Variants in RELB observed in about 807,000 individuals in gnomAD.
RELB encodes transcription factor RelB.
In RELB, 14 loss-of-function variants were observed where a neutral mutation model predicts 55.4. The ratio of observed to expected loss-of-function variants is 0.25; its 90% CI spans 0.17 to 0.40. The LOEUF (loss-of-function observed/expected upper bound fraction) is 0.40, where lower values mean the gene tolerates loss of function less well. Ranked by LOEUF, RELB falls within the 10% of genes least tolerant of loss-of-function variation. The probability of loss-of-function intolerance (pLI) is 1.00; values close to 1 mark genes in which losing one functional copy is unlikely to be tolerated. For synonymous variants in RELB, 409 were observed against 371.3 expected (o/e 1.10, Z -1.17); for missense variants, 669 against 830.7 (o/e 0.81, Z 2.39).
intron 2 of RELB, among the ~76,000 whole-genome samples, chr19:45,005,154 G>C (rs550368476): frequency 9.9e-5 from 15 of 152,266 alleles, no homozygotes; most frequent in Admixed American, 7.2e-4. Context: ...CTGGGTGACA[G>C]AGCAAGAGCC....
At chr19:45,001,783 C>T (rs986648919) in intron 1 of RELB, 98 bp downstream of exon 1, 8 of 716,460 alleles carry the variant, frequency 1.1e-5, no homozygotes, top group Non-Finnish European at 1.3e-5. Context: ...CTATGGGAGT[C>T]TAAGGGTTTC....
rs780689029 is a variant in RELB, at chr19:45,034,305, C to T, written c.1269C>T (p.Asn423=). 2 of 1,613,794 alleles carry T rather than the reference C, an allele frequency of 1.2e-6. No individual in the cohort carries two copies. Among genetic ancestry groups the T allele is most frequent in the Middle Eastern group, 1.6e-4 (1 of 6,080 alleles). Residue 423 remains asparagine (N), a synonymous_variant, in exon 10 of 12, where the codon AAC becomes AAT. Coordinates refer to ENST00000221452, the MANE Select transcript of RELB (RefSeq NM_006509.4). Reference sequence around the variant, plus strand: ...TGCCCGACGTCCTTGGGGAGCTGAACAGCTCTGGTGTGTGCCCTCTGCCCC... The same window carrying T: ...TGCCCGACGTCCTTGGGGAGCTGAATAGCTCTGGTGTGTGCCCTCTGCCCC... ...RGMPDVLGEL[N]SSDPHGIESK... is the part of the protein sequence containing the mutation.
rs569612301 is a variant in RELB at position 45,005,373 on chromosome 19, T to C, written c.154+2377T>C. Among the ~76,000 whole-genome samples the C allele has an allele frequency of 2.2e-4, 33 of 152,280 alleles. No homozygotes were observed. The South Asian group carries it at 2.9e-3, about 13-fold the overall frequency. ...CCAAATTATGACATTTTTTCTTATA[T>C]ACATTTGCCAGGATTTGGAGGGCAG... On this transcript the variant is annotated intron_variant, in intron 2 of 11. Transcript: ENST00000221452.
intron 4 of RELB, among the ~76,000 whole-genome samples, chr19:45,016,801 G>A (rs1014249974): frequency 2.6e-5 from 4 of 152,170 alleles, no homozygotes; most frequent in African/African-American, 9.7e-5. Context: ...AGGTTGCAGT[G>A]AGCTGAGATC....
intron 4 of RELB, among the ~76,000 whole-genome samples, chr19:45,020,939 C>G (rs1156612298): frequency 1.3e-5 from 2 of 152,110 alleles, no homozygotes; most frequent in African/African-American, 4.8e-5. Flanking sequence ...CTTTAGGAGG[C>G]CAAGGCAGGC....
chr19:45,032,605 C>T lies in RELB; in HGVS notation c.1063C>T (p.Arg355Cys), dbSNP rs62117229. The T allele has an allele frequency of 1.2e-6, 2 of 1,613,506 alleles. No homozygotes were observed. ...TGACTTCTCCCAGGCCGACGTGCAC[C>T]GCCAGATTGCCATTGTGTTCAAGAC... ...RADFSQADVH[R>C]QIAIVFKTPP... Residue 355 changes from arginine (R) to cysteine (C), a missense_variant, in exon 9 of 12, where the codon CGC becomes TGC. By Grantham distance (180) the Arg-to-Cys change is radical. Transcript: ENST00000221452.
At chr19:45,017,800 C>T (rs368840577) in intron 4 of RELB, among the ~76,000 whole-genome samples, 28 of 150,720 alleles carry the variant, frequency 1.9e-4, no homozygotes, top group Middle Eastern at 3.4e-3. Context: ...CCTGTACCAT[C>T]ATGCCTGGCT....
chr19:45,009,979 TACTTAGCAGTGCTTGAC>T (rs1237089609), intron 3 of RELB, among the ~76,000 whole-genome samples, 157 bp downstream of exon 3: 1 of 151,964 alleles, frequency 6.6e-6, no homozygotes, highest in Non-Finnish European at 1.5e-5. Flanking sequence ...GCTCCTAAGG[TACTTAGCAGTGCTTGAC>T]ACTTGGAAAA....
At chr19:45,010,656 G>A (rs932090534) in intron 3 of RELB, among the ~76,000 whole-genome samples, 2 of 152,050 alleles carry the variant, frequency 1.3e-5, no homozygotes, top group African/African-American at 4.8e-5. Context: ...GCAGTTGGAG[G>A]AGCAAGTTCT....
chr19:45,001,807 G>A (rs1454723847), intron 1 of RELB, 122 bp downstream of exon 1: 3 of 565,588 alleles, frequency 5.3e-6, no homozygotes, highest in Non-Finnish European at 6.0e-6. Flanking sequence ...GGGGCAGAGT[G>A]AGGGTTCCTG....
Position 45,011,959 on chromosome 19 carries a change from G to A in RELB, c.187G>A (p.Glu63Lys). Residue 63 changes from glutamate (E) to lysine (K), a missense_variant, in exon 4 of 12, where the codon GAG becomes AAG. Physicochemically the swap from Glu to Lys is moderately conservative, Grantham distance 56. This residue lies in a region of RELB where 323 missense variants were observed against 368.5 expected (regional missense o/e 0.88). Coordinates refer to ENST00000221452, the MANE Select transcript of RELB (RefSeq NM_006509.4). ...ELEIIDEYIK[E>K]NGFGLDGGQP... ...AGAGATCATCGACGAGTACATCAAG[G>A]AGAACGGCTTCGGCCTGGACGGGGG... 6.4e-7 allele frequency: 1 copy of A among 1,556,288 alleles called. No individual in the cohort carries two copies. The highest frequency in any genetic ancestry group is 8.6e-7 in the Non-Finnish European group (1 of 1,156,592).
intron 5 of RELB, among the ~76,000 whole-genome samples, chr19:45,022,597 G>A (rs1255926790): frequency 6.7e-6 from 1 of 149,566 alleles, no homozygotes; most frequent in African/African-American, 2.5e-5. Context: ...GCCCAAGCTG[G>A]AGTGCAATGG....
chr19:45,009,911 G>A (rs917486335), intron 3 of RELB, 89 bp downstream of exon 3: 3 of 1,275,676 alleles, frequency 2.4e-6, no homozygotes, highest in South Asian at 1.2e-5. Context: ...CAGTGGGGGT[G>A]GGGGAGAGGT....
intron 2 of RELB, 55 bp from the exon 3 acceptor site, chr19:45,009,759 T>C (rs1050857735): frequency 1.9e-5 from 30 of 1,591,210 alleles, no homozygotes; most frequent in Non-Finnish European, 1.4e-5. Flanking sequence ...AGATGAAAAG[T>C]TGTGACCACT....
intron 9 of RELB, among the ~76,000 whole-genome samples, chr19:45,033,833 A>G (rs982617325): frequency 4.0e-5 from 6 of 150,000 alleles, no homozygotes; most frequent in Non-Finnish European, 4.4e-5. Flanking sequence ...GTGAGCCACC[A>G]CGCCCAGCCA....
intron 2 of RELB, among the ~76,000 whole-genome samples, chr19:45,006,886 C>T (rs1390352580): frequency 2.1e-5 from 3 of 144,634 alleles, no homozygotes; most frequent in Non-Finnish European, 3.0e-5. Flanking sequence ...ACCTGCGAGG[C>T]GGAGGTTGTG....
At chr19:45,012,321 C>A in intron 4 of RELB, 45 bp downstream of exon 4, 1 of 1,255,096 alleles carries the variant, frequency 8.0e-7, no homozygotes, top group Non-Finnish European at 1.0e-6. Context: ...TGGGGCTTCC[C>A]CTGCACCCCG....
chr19:45,026,038 G>A (rs1002028820), intron 7 of RELB, among the ~76,000 whole-genome samples: 11 of 152,326 alleles, frequency 7.2e-5, no homozygotes, highest in South Asian at 2.1e-4. Context: ...GAAGTCAGGA[G>A]TTTGAGACCA....
In RELB at chr19:45,034,544, A is replaced by G; in HGVS notation, c.1354+16A>G. The G allele has an allele frequency of 6.3e-7, 1 of 1,583,988 alleles. No individual in the cohort carries two copies. On this transcript the variant is annotated intron_variant, in intron 11 of 11. Coordinates refer to ENST00000221452, the MANE Select transcript of RELB (RefSeq NM_006509.4). ...CACGGCTCAGGTGGGTCCCAGCTAC[A>G]CATAAGCCCCTGTCCCCTGGGTGGG...
Sources: gnomAD v4.1 joint callset for allele counts (sites outside exome capture counted in the v4.1 genomes callset) on GRCh38, gnomAD v4.1.1 for gene constraint, gnomAD v4.1.1 regional missense constraint, MANE v1.5 for transcripts, NCBI Gene and HGNC (gene_info 2026-07-23, HGNC 2026-07-21) for gene names.